The following NT5M variants were observed in gnomAD, a reference collection of about 807,000 sequenced individuals.
NT5M encodes the protein 5'(3')-deoxyribonucleotidase, mitochondrial.
A neutral mutation model predicts 22.2 loss-of-function variants in NT5M; 22 were observed. That is an observed-to-expected ratio of 0.99 (90% CI 0.71 to 1.41). NT5M has a LOEUF of 1.41. Ranked by LOEUF, NT5M falls within the 40% of genes most tolerant of loss-of-function variation. The pLI, the probability that NT5M is intolerant of heterozygous loss-of-function variation, is 0.00. For synonymous variants in NT5M, 167 were observed against 133.0 expected, an observed-to-expected ratio of 1.26 and a Z score of -1.76; for missense variants, 322 against 314.8, an observed-to-expected ratio of 1.02 and a Z score of -0.17.
intron 2 of NT5M, among the ~76,000 whole-genome samples, chr17:17,319,114 T>C (rs1449740231): frequency 6.6e-6 from 1 of 151,026 alleles, no homozygotes; most frequent in African/African-American, 2.4e-5. Context: ...GCGGGGAGGC[T>C]GAGGTAGAAG....
At chr17:17,314,627 C>T (rs1441342722) in intron 2 of NT5M, among the ~76,000 whole-genome samples, 3 of 152,164 alleles carry the variant, frequency 2.0e-5, no homozygotes, top group Non-Finnish European at 2.9e-5. Flanking sequence ...TCCCGCTGTC[C>T]CTTGGCCAGG....
intron 3 of NT5M, among the ~76,000 whole-genome samples, chr17:17,332,337 C>G (rs1402876021): frequency 6.6e-6 from 1 of 152,092 alleles, no homozygotes; most frequent in East Asian, 1.9e-4. Context: ...GCCATCTGCC[C>G]CTCTGATCTT....
chr17:17,314,331 G>A (rs919029604), intron 2 of NT5M, among the ~76,000 whole-genome samples: 4 of 152,048 alleles, frequency 2.6e-5, no homozygotes, highest in Non-Finnish European at 5.9e-5. Context: ...CATCGTGCCC[G>A]GCCGAATATA....
chr17:17,344,948 C>A, intron 4 of NT5M, 40 bp downstream of exon 4: 1 of 1,612,492 alleles, frequency 6.2e-7, no homozygotes. Flanking sequence ...GTGGGGAGGG[C>A]CCCAGCCTTG....
intron 1 of NT5M, 156 bp downstream of exon 1, chr17:17,303,973 C>T (rs1244679001): frequency 2.4e-6 from 3 of 1,248,478 alleles, no homozygotes; most frequent in Non-Finnish European, 3.0e-6. Context: ...CACAGCGCAC[C>T]GGGAAGATGC....
intron 3 of NT5M, among the ~76,000 whole-genome samples, chr17:17,344,475 G>A (rs1057123617): frequency 7.9e-5 from 12 of 152,114 alleles, no homozygotes; most frequent in Admixed American, 1.3e-4. Flanking sequence ...ACACATGGCC[G>A]CCCTCTGCTC....
chr17:17,344,069 G>A (rs969101144), intron 3 of NT5M, among the ~76,000 whole-genome samples: 3 of 152,294 alleles, frequency 2.0e-5, no homozygotes, highest in Middle Eastern at 3.4e-3. Context: ...CCCACCAGTG[G>A]CGAGAGGATG....
In NT5M at chr17:17,341,536, C is replaced by A. The variant is rs79620261; in HGVS notation, c.430-3258C>A. ...GATGCATAATTTTCCACTAAATCCC[C>A]GAAGGCACTCACGAGGTAGATGCTG... On this transcript the variant is annotated intron_variant, in intron 3 of 4. Coordinates refer to ENST00000389022, the MANE Select transcript of NT5M (RefSeq NM_020201.4). 3.7e-3 allele frequency among the ~76,000 whole-genome samples: 565 copies of A among 152,282 alleles called. 5 individuals carry two copies. The highest frequency in any genetic ancestry group is 0.012 in the African/African-American group (514 of 41,544).
chr17:17,328,288 G>A (rs2049303527), intron 3 of NT5M, among the ~76,000 whole-genome samples: 1 of 152,102 alleles, frequency 6.6e-6, no homozygotes, highest in Admixed American at 6.6e-5. Context: ...TTGGGAGCGG[G>A]GTTGGGCCAG....
At chr17:17,339,943 C>T (rs935578409) in intron 3 of NT5M, among the ~76,000 whole-genome samples, 1 of 151,754 alleles carries the variant, frequency 6.6e-6, no homozygotes, top group Non-Finnish European at 1.5e-5. Context: ...GTTTTCTTTT[C>T]TTTTTTTCAA....
At chr17:17,328,202 C>T (rs2049301844) in intron 3 of NT5M, among the ~76,000 whole-genome samples, 1 of 152,118 alleles carries the variant, frequency 6.6e-6, no homozygotes, top group South Asian at 2.1e-4. Flanking sequence ...TGAACAAACA[C>T]ATGAAGACAG....
rs985959516 is a variant in NT5M at position 17,347,452 on chromosome 17, C to T, written c.*505C>T. On this transcript the variant is annotated 3_prime_UTR_variant, in exon 5 of 5. Coordinates refer to ENST00000389022, the MANE Select transcript of NT5M (RefSeq NM_020201.4). ...TGCCCTGCCCAACCTGCTCACCCCA[C>T]ATGACCTTCTGTGTATTCAGCAAAC... 11 of 165,036 alleles carry T rather than the reference C, an allele frequency of 6.7e-5. No homozygotes were observed. The highest frequency in any genetic ancestry group is 5.8e-4 in the Admixed American group (10 of 17,128). The allele number at this position is 165,036 out of a possible 1,614,324, so 10.2% of individuals were successfully genotyped here.
chr17:17,324,478 T>TC (rs1243712441), intron 3 of NT5M, among the ~76,000 whole-genome samples: 1 of 130,370 alleles, frequency 7.7e-6, no homozygotes, highest in Non-Finnish European at 1.6e-5. Context: ...AGCGAGACTG[T>TC]CCCCCCACAA....
intron 3 of NT5M, among the ~76,000 whole-genome samples, chr17:17,328,684 C>G (rs2049312614): frequency 6.6e-6 from 1 of 152,300 alleles, no homozygotes; most frequent in Non-Finnish European, 1.5e-5. Context: ...GCCTTTGTTG[C>G]TAGAAGTGGA....
intron 3 of NT5M, among the ~76,000 whole-genome samples, chr17:17,343,240 CAT>C (rs980875081): frequency 1.3e-5 from 2 of 152,070 alleles, no homozygotes; most frequent in Admixed American, 1.3e-4. Context: ...GGGCCCTGTG[CAT>C]ATGTGTGTGT....
At chr17:17,319,836 T>A (rs958249198) in intron 2 of NT5M, among the ~76,000 whole-genome samples, 6 of 152,206 alleles carry the variant, frequency 3.9e-5, no homozygotes, top group South Asian at 4.1e-4. Context: ...TTACTTTTTT[T>A]AAATATTTCT....
intron 2 of NT5M, among the ~76,000 whole-genome samples, chr17:17,315,828 C>T (rs2049014839): frequency 6.8e-6 from 1 of 146,898 alleles, no homozygotes; most frequent in African/African-American, 2.5e-5. Flanking sequence ...GATCCCAGCT[C>T]ACTGCAAGCT....
At chr17:17,337,670 G>A (rs919413659) in intron 3 of NT5M, among the ~76,000 whole-genome samples, 3 of 152,108 alleles carry the variant, frequency 2.0e-5, no homozygotes, top group Non-Finnish European at 1.5e-5. Flanking sequence ...GATTATAGGT[G>A]TGAGCCATCA....
At chr17:17,345,070 TG>T in intron 4 of NT5M, 162 bp downstream of exon 4, 2 of 1,189,304 alleles carry the variant, frequency 1.7e-6, no homozygotes, top group Non-Finnish European at 2.3e-6. Context: ...CCCCTCTGTA[TG>T]GGCTGTGGCC....
Sources: allele counts gnomAD v4.1 joint callset (sites outside exome capture counted in the v4.1 genomes callset), GRCh38; gene constraint gnomAD v4.1.1; transcripts MANE v1.5; gene names NCBI Gene and HGNC (gene_info 2026-07-23, HGNC 2026-07-21).